The following MECOM variants were observed in gnomAD, a reference collection of about 807,000 sequenced individuals.
The protein encoded by MECOM is histone-lysine N-methyltransferase MECOM.
A neutral mutation model predicts 116.3 loss-of-function variants in MECOM; 13 were observed. The observed-to-expected ratio is 0.11, with a 90% CI of 0.07 to 0.18. The LOEUF (loss-of-function observed/expected upper bound fraction) is 0.18, where lower values mean the gene tolerates loss of function less well. Ranked by LOEUF, MECOM falls within the 10% of genes least tolerant of loss-of-function variation. The probability of loss-of-function intolerance (pLI) is 1.00; values close to 1 mark genes in which losing one functional copy is unlikely to be tolerated. For synonymous variants in MECOM, 528 were observed against 535.2 expected (o/e 0.99, Z 0.19); for missense variants, 1,299 against 1,509.0 (o/e 0.86, Z 2.31).
At chr3:169,433,637 A>AAC (rs1560268273) in intron 1 of MECOM, among the ~76,000 whole-genome samples, 2 of 87,400 alleles carry the variant, frequency 2.3e-5, no homozygotes, top group Non-Finnish European at 4.8e-5. Flanking sequence ...AAGAAAGAGA[A>AAC]AGAGAAAGAA....
intron 3 of MECOM, among the ~76,000 whole-genome samples, chr3:169,137,680 C>G (rs1736775126): frequency 6.6e-6 from 1 of 152,030 alleles, no homozygotes; most frequent in Non-Finnish European, 1.5e-5. Context: ...TCCACGAGAC[C>G]AAGATATCTT....
At position 169,166,898 on chromosome 3, in the gene MECOM, C is replaced by T. The variant is rs541313215; in HGVS notation, c.376-23066G>A. On this transcript the variant is annotated intron_variant, in intron 2 of 16. Transcript: ENST00000651503. ...ACTGCACTTGGCCCTTTTTTTATTACGTTTCTTCAAATTAAACTACTTGGT... is the reference window on the plus strand; with the variant it reads ...ACTGCACTTGGCCCTTTTTTTATTATGTTTCTTCAAATTAAACTACTTGGT... Among the ~76,000 whole-genome samples the T allele has an allele frequency of 2.0e-4, 30 of 152,168 alleles. No individual in the cohort carries two copies. In the East Asian group the frequency reaches 3.3e-3, roughly 17 times the overall value.
Position 169,485,206 on chromosome 3 carries a change from G to C in MECOM, c.38-103682C>G, listed in dbSNP as rs1751971475. Among the ~76,000 whole-genome samples the C allele has an allele frequency of 2.6e-5, 4 of 152,054 alleles. No homozygotes were observed. In the South Asian group the frequency reaches 8.3e-4, roughly 32 times the overall value. On this transcript the variant is annotated intron_variant, in intron 1 of 16. Transcript: ENST00000651503. The stretch of plus-strand genomic sequence containing the variant: ...GACGGGGTTTCGCTATGTTGGCCAG[G>C]ATAGTCTCAAACTCCTGACCTCAGG...
At chr3:169,634,633 T>G (rs1772498128) in intron 1 of MECOM, among the ~76,000 whole-genome samples, 1 of 152,120 alleles carries the variant, frequency 6.6e-6, no homozygotes, top group Non-Finnish European at 1.5e-5. Flanking sequence ...CATCCAGACA[T>G]CAGTGGGATT....
chr3:169,378,407 AAG>A (rs1481717597), intron 2 of MECOM, among the ~76,000 whole-genome samples: 2 of 54,934 alleles, frequency 3.6e-5, no homozygotes, highest in Non-Finnish European at 6.1e-5. Context: ...GAAAGAAAGA[AAG>A]AAAGAAAGAA....
intron 2 of MECOM, among the ~76,000 whole-genome samples, chr3:169,188,270 G>C (rs1403619815): frequency 6.6e-6 from 1 of 151,744 alleles, no homozygotes; most frequent in Non-Finnish European, 1.5e-5. Flanking sequence ...GCAAGAAACA[G>C]GATGAAATGG....
chr3:169,126,646 AT>A (rs1452563019), intron 5 of MECOM, among the ~76,000 whole-genome samples: 2 of 152,068 alleles, frequency 1.3e-5, no homozygotes, highest in Non-Finnish European at 2.9e-5. Context: ...TTAGTCCTAA[AT>A]TTTCAAAGCT....
intron 1 of MECOM, among the ~76,000 whole-genome samples, chr3:169,412,026 C>A (rs1486935463): frequency 6.6e-6 from 1 of 151,910 alleles, no homozygotes; most frequent in Admixed American, 6.6e-5. Context: ...TGGTTCATGA[C>A]TGTAATCCCA....
chr3:169,562,636 A>C (rs1403438128), intron 1 of MECOM, among the ~76,000 whole-genome samples: 2 of 152,148 alleles, frequency 1.3e-5, no homozygotes, highest in Non-Finnish European at 2.9e-5. Flanking sequence ...CAACCCACAA[A>C]ACCCTGGAGA....
chr3:169,169,337 C>T (rs1287759194), intron 2 of MECOM, among the ~76,000 whole-genome samples: 1 of 152,126 alleles, frequency 6.6e-6, no homozygotes, highest in Non-Finnish European at 1.5e-5. Flanking sequence ...GAAAATCAGT[C>T]TTCGCAGTTA....
At chr3:169,615,100 T>A (rs1353254849) in intron 1 of MECOM, 1 of 152,224 alleles carries the variant, frequency 6.6e-6, no homozygotes, top group Non-Finnish European at 1.5e-5. Flanking sequence ...TACTAATACA[T>A]GTTTATAAAA....
rs531616406 is a variant in MECOM, at chr3:169,337,512, AT to A, written c.375+43674del. On this transcript the variant is annotated intron_variant, in intron 2 of 16. Transcript: ENST00000651503. ...AATGTCACTGTAATAAGAAAAAAAA[AT>A]AACTGATGGCCCTGATACAAACCCC... Among the ~76,000 whole-genome samples, 244 of 152,306 alleles carry A rather than the reference AT, an allele frequency of 1.6e-3. 1 individual carries two copies. Among genetic ancestry groups the A allele is most frequent in the Non-Finnish European group, 2.0e-3 (135 of 68,024 alleles).
intron 1 of MECOM, among the ~76,000 whole-genome samples, chr3:169,397,090 T>C (rs928384717): frequency 1.3e-5 from 2 of 152,244 alleles, no homozygotes; most frequent in Non-Finnish European, 2.9e-5. Flanking sequence ...AATGTCATTG[T>C]CTTTCAGGTC....
At chr3:169,456,269 T>C (rs1274547892) in intron 1 of MECOM, among the ~76,000 whole-genome samples, 1 of 152,136 alleles carries the variant, frequency 6.6e-6, no homozygotes, top group African/African-American at 2.4e-5. Flanking sequence ...CAAATTCTAG[T>C]CCACACCTGC....
At chr3:169,546,584 C>G (rs1760751744) in intron 1 of MECOM, among the ~76,000 whole-genome samples, 1 of 152,184 alleles carries the variant, frequency 6.6e-6, no homozygotes, top group African/African-American at 2.4e-5. Flanking sequence ...AGAATAATGG[C>G]ATGTGGCACT....
At chr3:169,408,251 G>T (rs1737004916) in intron 1 of MECOM, among the ~76,000 whole-genome samples, 1 of 152,110 alleles carries the variant, frequency 6.6e-6, no homozygotes, top group Non-Finnish European at 1.5e-5. Flanking sequence ...GACACTTTTT[G>T]CTGACAGATG....
intron 1 of MECOM, among the ~76,000 whole-genome samples, chr3:169,602,819 A>T (rs748927084): frequency 2.0e-5 from 3 of 152,232 alleles, no homozygotes; most frequent in Non-Finnish European, 4.4e-5. Flanking sequence ...CTATGAAAGT[A>T]ATCCACAAGA....
intron 2 of MECOM, among the ~76,000 whole-genome samples, chr3:169,378,450 A>AG (rs1418481241): frequency 9.2e-5 from 5 of 54,114 alleles, no homozygotes; most frequent in African/African-American, 5.1e-4. Flanking sequence ...AGAAAGAAAG[A>AG]AGGAAAGCAA....
At chr3:169,194,552 A>G (rs549458809) in intron 2 of MECOM, among the ~76,000 whole-genome samples, 6 of 152,202 alleles carry the variant, frequency 3.9e-5, no homozygotes, top group African/African-American at 1.4e-4. Context: ...AATAACAATC[A>G]TATAGGCATG....
Sources: allele counts gnomAD v4.1 joint callset (sites outside exome capture counted in the v4.1 genomes callset), GRCh38; gene constraint gnomAD v4.1.1; transcripts MANE v1.5; gene names NCBI Gene and HGNC (gene_info 2026-07-23, HGNC 2026-07-21).